The following RHOT1 variants were observed in gnomAD, a reference collection of about 807,000 sequenced individuals.
RHOT1 encodes mitochondrial Rho GTPase 1.
In RHOT1, 27 loss-of-function variants were observed where a neutral mutation model predicts 95.3. The ratio of observed to expected loss-of-function variants is 0.28; its 90% confidence interval spans 0.21 to 0.39. The LOEUF (loss-of-function observed/expected upper bound fraction) is 0.39. RHOT1 is among the 10% of genes least tolerant of loss of function. The pLI is 1.00. For missense variants in RHOT1, 578 were observed against 786.7 expected (o/e 0.73, Z 3.17); for synonymous variants, 227 against 263.5 (o/e 0.86, Z 1.34).
chr17:32,205,401 G>T (rs1025860142), intron 16 of RHOT1, among the ~76,000 whole-genome samples: 2 of 151,880 alleles, frequency 1.3e-5, no homozygotes, highest in African/African-American at 2.4e-5. Flanking sequence ...AATATTTCCT[G>T]TACTATTGAC....
chr17:32,213,738 T>C (rs1184003452), intron 19 of RHOT1, among the ~76,000 whole-genome samples: 1 of 152,200 alleles, frequency 6.6e-6, no homozygotes. Flanking sequence ...AACTCTTGAT[T>C]GTCCATAATT....
chr17:32,180,595 A>T (rs2035548544), intron 6 of RHOT1, among the ~76,000 whole-genome samples: 1 of 150,802 alleles, frequency 6.6e-6, no homozygotes, highest in Non-Finnish European at 1.5e-5. Flanking sequence ...ACCCTGCCAC[A>T]TCCCCCTCTC....
At chr17:32,175,670 A>G (rs1380875547) in intron 4 of RHOT1, among the ~76,000 whole-genome samples, 2 of 152,114 alleles carry the variant, frequency 1.3e-5, no homozygotes, top group East Asian at 1.9e-4. Flanking sequence ...TAACCAGGCT[A>G]GTCTCAAACT....
chr17:32,147,858 A>G (rs2031615497), intron 1 of RHOT1, among the ~76,000 whole-genome samples: 1 of 151,852 alleles, frequency 6.6e-6, no homozygotes, highest in African/African-American at 2.4e-5. Context: ...AGTTTCAATT[A>G]CACTGTGTTT....
intron 1 of RHOT1, among the ~76,000 whole-genome samples, chr17:32,165,336 C>CAAAAAA (rs773728913): frequency 2.9e-5 from 1 of 34,316 alleles, no homozygotes; most frequent in Admixed American, 4.1e-4. Context: ...GACTCCGTCT[C>CAAAAAA]AAAAAAAAAA....
At chr17:32,168,598 C>G (rs1261672151) in intron 1 of RHOT1, among the ~76,000 whole-genome samples, 1 of 149,126 alleles carries the variant, frequency 6.7e-6, no homozygotes, top group Admixed American at 6.7e-5. Context: ...CACACAAACA[C>G]ATATATGTAA....
chr17:32,170,663 A>G (rs2034501275), intron 1 of RHOT1, among the ~76,000 whole-genome samples: 1 of 152,198 alleles, frequency 6.6e-6, no homozygotes, highest in Non-Finnish European at 1.5e-5. Context: ...GTTTTTATGT[A>G]CTGACATGAA....
rs369766420 is a variant in RHOT1 at position 32,176,133 on chromosome 17, G to A, written c.277-28G>A. 9.3e-5 allele frequency: 149 copies of A among 1,606,972 alleles called. 1 individual carries two copies. In the Middle Eastern group the frequency reaches 6.1e-3, roughly 66 times the overall value. ...GTGTTTTGTAAAGATCCTTATCATG[G>A]CTAAGCGCTTGTTAATTTTCATTTT... On this transcript the variant is annotated intron_variant, in intron 5 of 19. Coordinates refer to ENST00000545287, the MANE Select transcript of RHOT1 (RefSeq NM_001033566.3).
rs140453184 is a variant in RHOT1, at chr17:32,223,708, C to G, written c.1863-908C>G. Reference sequence around the variant, plus strand: ...GGATTACAGGCATGAGCCACTGCACCCGGCCAATTTTTTAAGTTTTCTACA... The same window carrying G: ...GGATTACAGGCATGAGCCACTGCACGCGGCCAATTTTTTAAGTTTTCTACA... On this transcript the variant is annotated intron_variant, in intron 19 of 19. Transcript: ENST00000545287. 2.3e-3 allele frequency among the ~76,000 whole-genome samples: 343 copies of G among 152,112 alleles called. 1 individual carries two copies. The highest frequency in any genetic ancestry group is 7.9e-3 in the African/African-American group (329 of 41,538).
chr17:32,170,865 AAG>A (rs1413734855), intron 1 of RHOT1, among the ~76,000 whole-genome samples, 176 bp from the exon 2 acceptor site: 3 of 152,168 alleles, frequency 2.0e-5, no homozygotes, highest in Admixed American at 6.5e-5. Context: ...GTTTTTAAAA[AAG>A]AGTATGTGTG....
At chr17:32,160,876 C>T (rs1055212155) in intron 1 of RHOT1, among the ~76,000 whole-genome samples, 105 of 152,306 alleles carry the variant, frequency 6.9e-4, no homozygotes, top group Admixed American at 4.2e-3. Flanking sequence ...GCCTGCCAGG[C>T]TGAGTGGGTG....
chr17:32,197,761 C>T (rs577390777), intron 11 of RHOT1, among the ~76,000 whole-genome samples: 18 of 151,938 alleles, frequency 1.2e-4, no homozygotes, highest in Non-Finnish European at 1.9e-4. Context: ...TTAGTAGAGA[C>T]GGGGTTTTAC....
intron 1 of RHOT1, chr17:32,151,553 G>A: frequency 2.3e-6 from 1 of 443,440 alleles, no homozygotes; most frequent in South Asian, 2.5e-5. Context: ...TTTCAGTCCT[G>A]CGCGGTGTGT....
intron 16 of RHOT1, among the ~76,000 whole-genome samples, chr17:32,204,878 G>A (rs1411065463): frequency 6.6e-6 from 1 of 151,730 alleles, no homozygotes; most frequent in African/African-American, 2.4e-5. Flanking sequence ...AGGTACTTAG[G>A]AGGCTGAGGC....
intron 9 of RHOT1, among the ~76,000 whole-genome samples, chr17:32,192,748 T>C (rs1241278114): frequency 6.6e-6 from 1 of 151,328 alleles, no homozygotes; most frequent in East Asian, 2.0e-4. Flanking sequence ...CTCGGCTCAC[T>C]GCAACCTCCG....
intron 2 of RHOT1, among the ~76,000 whole-genome samples, chr17:32,173,480 C>T (rs567187442): frequency 3.2e-4 from 48 of 151,842 alleles, no homozygotes; most frequent in Non-Finnish European, 4.6e-4. Context: ...TTTGGGAGGC[C>T]GAGGCGGGTG....
chr17:32,154,759 G>A (rs146748689), intron 1 of RHOT1, among the ~76,000 whole-genome samples: 5,787 of 152,010 alleles, frequency 0.038, 154 homozygotes, highest in Non-Finnish European at 0.055. Context: ...GCCGGGCATG[G>A]TGGCACATGC....
chr17:32,183,029 C>G (rs999330642), intron 7 of RHOT1, 142 bp from the exon 8 acceptor site: 6 of 746,594 alleles, frequency 8.0e-6, no homozygotes, highest in Non-Finnish European at 4.3e-6. Context: ...TGAACTCTTT[C>G]TAGACATTCA....
At chr17:32,206,794 T>G (rs1289947284) in intron 16 of RHOT1, 116 bp from the exon 17 acceptor site, 14 of 774,588 alleles carry the variant, frequency 1.8e-5, no homozygotes, top group Non-Finnish European at 2.0e-6. Flanking sequence ...TGAAAAGTTA[T>G]GCTTAACCAG....
Sources: gnomAD v4.1 joint callset for allele counts (sites outside exome capture counted in the v4.1 genomes callset) on GRCh38, gnomAD v4.1.1 for gene constraint, MANE v1.5 for transcripts, NCBI Gene and HGNC (gene_info 2026-07-23, HGNC 2026-07-21) for gene names.